Variants in GULP1 observed in about 807,000 individuals in gnomAD.
GULP1 encodes the protein PTB domain-containing engulfment adapter protein 1.
In GULP1, 19 loss-of-function variants were observed where a neutral mutation model predicts 40.9. That is an observed-to-expected ratio of 0.46 (90% CI 0.32 to 0.68). The LOEUF is 0.68. Ranked by LOEUF, GULP1 falls within the 30% of genes least tolerant of loss-of-function variation. The pLI, the probability that GULP1 is intolerant of heterozygous loss-of-function variation, is 0.03. For synonymous variants in GULP1, 119 were observed against 117.6 expected, an observed-to-expected ratio of 1.01 and a Z score of -0.08; for missense variants, 312 against 362.2, an observed-to-expected ratio of 0.86 and a Z score of 1.12.
In GULP1 at chr2:188,379,788, TCTAA is replaced by T. The variant is rs529035528; in HGVS notation, c.-171-3970_-171-3967del. On this transcript the variant is annotated intron_variant, in intron 1 of 11. Transcript: ENST00000409830. The stretch of plus-strand genomic sequence containing the variant: ...AATATTCTATTTTAAAATAAAATAT[TCTAA>T]CTAATAGCCTATCCTTGAAGATGGC... Among the ~76,000 whole-genome samples, 345 of 152,314 alleles carry T rather than the reference TCTAA, an allele frequency of 2.3e-3. 2 individuals carry two copies. Among genetic ancestry groups the T allele is most frequent in the Non-Finnish European group, 3.7e-3 (252 of 68,030 alleles).
In GULP1 at chr2:188,593,930, T is replaced by C. The variant is rs776717026; in HGVS notation, c.844-10T>C. On this transcript the variant is annotated splice_polypyrimidine_tract_variant and intron_variant, in intron 11 of 11. Transcript: ENST00000409830. ...ATTTCAGATATTAATTATTTTATTC[T>C]GTTTTACAGGAGGGGTTCAAAATGG... 47 of 1,490,020 alleles carry C rather than the reference T, an allele frequency of 3.2e-5. No individual in the cohort carries two copies. In the Middle Eastern group the frequency reaches 1.0e-3, roughly 33 times the overall value. 92.3% of individuals were successfully genotyped at this position (1,490,020 alleles called of 1,614,324 possible). A position where few individuals can be genotyped will look rare whatever the true frequency, so the allele number is the denominator to read the frequency against.
At chr2:188,329,040 C>T (rs2041172655) in intron 1 of GULP1, among the ~76,000 whole-genome samples, 1 of 152,088 alleles carries the variant, frequency 6.6e-6, no homozygotes, top group Admixed American at 6.6e-5. Flanking sequence ...TTTATTCTCA[C>T]TGTATTTATT....
chr2:188,574,005 T>C (rs1699667152), intron 9 of GULP1, among the ~76,000 whole-genome samples: 1 of 152,182 alleles, frequency 6.6e-6, no homozygotes, highest in Admixed American at 6.5e-5. Context: ...TTATAAATGA[T>C]TTAATGCTAT....
chr2:188,445,661 G>A (rs2058323472), intron 2 of GULP1, among the ~76,000 whole-genome samples: 1 of 152,140 alleles, frequency 6.6e-6, no homozygotes, highest in Admixed American at 6.5e-5. Context: ...TAAATTATGA[G>A]TAGTGTCCAC....
chr2:188,559,663 G>T (rs1467203629), intron 7 of GULP1, among the ~76,000 whole-genome samples: 2 of 152,136 alleles, frequency 1.3e-5, no homozygotes, highest in African/African-American at 4.8e-5. Context: ...AAGGCTTTGG[G>T]GGACTGTTGG....
At chr2:188,547,551 T>C (rs1302747398) in intron 7 of GULP1, among the ~76,000 whole-genome samples, 2 of 152,074 alleles carry the variant, frequency 1.3e-5, no homozygotes. Context: ...GTTAAGCCAG[T>C]CTAGCCTTTT....
At chr2:188,387,611 G>C (rs2152529281) in intron 2 of GULP1, among the ~76,000 whole-genome samples, 1 of 152,294 alleles carries the variant, frequency 6.6e-6, no homozygotes, top group South Asian at 2.1e-4. Context: ...GACCACTTGA[G>C]TTGTGCTTTT....
At position 188,352,350 on chromosome 2, in the gene GULP1, G is replaced by A. The variant is rs77399735; in HGVS notation, c.-171-31413G>A. Reference sequence around the variant, plus strand: ...TGAGCTGGAACACTGGTCTTTTCTGGCCTTCAGACTTGGACTGATGTCTTA... The same window carrying A: ...TGAGCTGGAACACTGGTCTTTTCTGACCTTCAGACTTGGACTGATGTCTTA... On this transcript the variant is annotated intron_variant, in intron 1 of 11. Coordinates refer to ENST00000409830, the MANE Select transcript of GULP1 (RefSeq NM_016315.4). Among the ~76,000 whole-genome samples, 8 of 152,094 alleles carry A rather than the reference G, an allele frequency of 5.3e-5. 1 individual carries two copies. The East Asian group carries it at 1.2e-3, about 22-fold the overall frequency.
intron 6 of GULP1, among the ~76,000 whole-genome samples, chr2:188,529,577 G>T (rs1338835425): frequency 6.6e-6 from 1 of 152,110 alleles, no homozygotes; most frequent in Admixed American, 6.6e-5. Context: ...GATGTAATCA[G>T]TGTGTATTAG....
intron 6 of GULP1, among the ~76,000 whole-genome samples, chr2:188,535,675 A>C (rs573678144): frequency 6.6e-6 from 1 of 152,042 alleles, no homozygotes; most frequent in South Asian, 2.1e-4. Context: ...TTTGGTAGAA[A>C]GATTTGTCTT....
intron 2 of GULP1, among the ~76,000 whole-genome samples, chr2:188,396,855 G>A (rs956156698): frequency 2.6e-5 from 4 of 152,188 alleles, no homozygotes; most frequent in East Asian, 1.9e-4. Flanking sequence ...CCCTCCATCC[G>A]TGCTGGAGAC....
intron 2 of GULP1, among the ~76,000 whole-genome samples, chr2:188,394,540 T>G (rs1258704303): frequency 6.6e-6 from 1 of 152,208 alleles, no homozygotes; most frequent in Non-Finnish European, 1.5e-5. Context: ...AAATTTCATC[T>G]TGGTTTGGAC....
At chr2:188,352,612 T>TCACACACACACACACACACA (rs1265583408) in intron 1 of GULP1, among the ~76,000 whole-genome samples, 3 of 42,508 alleles carry the variant, frequency 7.1e-5, no homozygotes, top group African/African-American at 5.0e-4. Context: ...TCTCTCTCTC[T>TCACACACACACACACACACA]CTCTCTCACA....
chr2:188,295,885 T>C (rs2034805020), intron 1 of GULP1, among the ~76,000 whole-genome samples: 1 of 152,098 alleles, frequency 6.6e-6, no homozygotes. Flanking sequence ...CATTTTAAAT[T>C]AGAAATCCTT....
At chr2:188,380,886 C>T (rs2048926797) in intron 1 of GULP1, among the ~76,000 whole-genome samples, 1 of 152,032 alleles carries the variant, frequency 6.6e-6, no homozygotes, top group Admixed American at 6.6e-5. Context: ...CATATTGCAG[C>T]ATTAATAATG....
chr2:188,414,389 C>G (rs1034876355), intron 2 of GULP1, among the ~76,000 whole-genome samples: 9 of 152,008 alleles, frequency 5.9e-5, no homozygotes, highest in Non-Finnish European at 1.3e-4. Context: ...GGAATATTAA[C>G]CACAGTTGTG....
chr2:188,549,923 C>T (rs960173101), intron 7 of GULP1, among the ~76,000 whole-genome samples: 1 of 151,528 alleles, frequency 6.6e-6, no homozygotes, highest in Non-Finnish European at 1.5e-5. Flanking sequence ...TTAGTGATTG[C>T]CAGAGGTTAA....
At chr2:188,486,736 T>C (rs1044506669) in intron 4 of GULP1, among the ~76,000 whole-genome samples, 1 of 151,814 alleles carries the variant, frequency 6.6e-6, no homozygotes, top group African/African-American at 2.4e-5. Context: ...CTATGTAGGG[T>C]TCATTAGTTT....
At chr2:188,383,380 T>G (rs2049257383) in intron 1 of GULP1, among the ~76,000 whole-genome samples, 1 of 152,238 alleles carries the variant, frequency 6.6e-6, no homozygotes, top group Non-Finnish European at 1.5e-5. Context: ...TTCACCTTCT[T>G]AATCATCATG....
Sources: allele counts gnomAD v4.1 joint callset (sites outside exome capture counted in the v4.1 genomes callset), GRCh38; gene constraint gnomAD v4.1.1; transcripts MANE v1.5; gene names NCBI Gene and HGNC (gene_info 2026-07-23, HGNC 2026-07-21).